Variants in DIDO1 observed in about 807,000 individuals in gnomAD.
DIDO1 encodes death inducer-obliterator 1.
DIDO1 carries 16 observed loss-of-function variants against 99.4 expected under a neutral mutation model. The ratio of observed to expected loss-of-function variants is 0.16; its 90% CI spans 0.11 to 0.24. The LOEUF (loss-of-function observed/expected upper bound fraction) is 0.24, where lower values mean the gene tolerates loss of function less well. DIDO1 is among the 10% of genes least tolerant of loss of function. DIDO1 has a pLI of 1.00. For synonymous variants in DIDO1, 1,366 were observed against 1,239.1 expected, an observed-to-expected ratio of 1.10 and a Z score of -2.15; for missense variants, 2,996 against 3,014.0, an observed-to-expected ratio of 0.99 and a Z score of 0.14.
intron 5 of DIDO1, among the ~76,000 whole-genome samples, chr20:62,906,625 G>A (rs556394076): frequency 6.6e-5 from 10 of 152,236 alleles, no homozygotes; most frequent in African/African-American, 1.7e-4. Flanking sequence ...AAACATAACC[G>A]GGGCAGTGAC....
chr20:62,925,136 A>G (rs541930488), intron 1 of DIDO1, among the ~76,000 whole-genome samples: 14 of 152,302 alleles, frequency 9.2e-5, no homozygotes, highest in African/African-American at 3.4e-4. Context: ...AAGGGCCACT[A>G]AAGAGCCCTA....
chr20:62,933,169 C>G (rs1185641177), intron 1 of DIDO1, among the ~76,000 whole-genome samples: 1 of 152,208 alleles, frequency 6.6e-6, no homozygotes, highest in Non-Finnish European at 1.5e-5. Context: ...CAAGATCGTG[C>G]CATTGCACTC....
At chr20:62,904,807 A>AAAAAAAAAAAAAGG (rs1568859998) in intron 6 of DIDO1, among the ~76,000 whole-genome samples, 1 of 141,706 alleles carries the variant, frequency 7.1e-6, no homozygotes, top group Non-Finnish European at 1.5e-5. Context: ...AAAAAAAAAA[A>AAAAAAAAAAAAAGG]GTGTCTTTTT....
intron 1 of DIDO1, among the ~76,000 whole-genome samples, chr20:62,923,962 CAACTT>C (rs1306473427): frequency 1.3e-5 from 2 of 152,176 alleles, no homozygotes; most frequent in Non-Finnish European, 2.9e-5. Context: ...CTTCATATAA[CAACTT>C]AACCTCAAAA....
At chr20:62,899,373 C>T (rs971038490) in intron 6 of DIDO1, among the ~76,000 whole-genome samples, 3 of 152,224 alleles carry the variant, frequency 2.0e-5, no homozygotes, top group Admixed American at 1.3e-4. Flanking sequence ...GTTTAACGCT[C>T]ACCTTGTTGC....
Position 62,931,640 on chromosome 20 carries a change from G to A in DIDO1, c.-200+6156C>T, listed in dbSNP as rs964335809. On this transcript the variant is annotated intron_variant, in intron 1 of 15. Coordinates refer to the DIDO1 transcript ENST00000266070. ...CGACTGAATTCCTGCACCTGCTGGC[G>A]AGCACCAGGAGGAAGGTGCAGGGAT... Among the ~76,000 whole-genome samples the A allele has an allele frequency of 3.3e-4, 50 of 152,140 alleles. 2 individuals are homozygous for A. The highest frequency in any genetic ancestry group is 2.0e-4 in the Admixed American group (3 of 15,272).
In DIDO1 at chr20:62,894,497, G is replaced by A; in HGVS notation, c.2488C>T (p.Leu830Phe). The A allele has an allele frequency of 6.2e-7, 1 of 1,613,372 alleles. No homozygotes were observed. The highest frequency in any genetic ancestry group is 1.3e-5 in the African/African-American group (1 of 75,030). ...TTCAACATGCTGCTGAAGACGTCGA[G>A]AAGCGGCGCTGTGCTCTTCTCAGGG... ...AVPEKSTAPL[L>F]DVFSSMLKDT... is the part of the protein sequence containing the mutation. Residue 830 changes from leucine (L) to phenylalanine (F), a missense_variant, in exon 11 of 16, where the codon CTC (leucine) becomes TTC (phenylalanine). Around this residue, in one of 5 missense-constraint regions of DIDO1, gnomAD observed 898 missense variants for 972.7 expected, o/e 0.92. Coordinates refer to ENST00000395343, the MANE Select transcript of DIDO1 (RefSeq NM_001193369.2). The surrounding 1 kb of genome is among the most constrained non-coding windows in gnomAD (Gnocchi z 4.4).
chr20:62,912,864 T>A (rs955541499), intron 2 of DIDO1, among the ~76,000 whole-genome samples: 1 of 152,146 alleles, frequency 6.6e-6, no homozygotes, highest in African/African-American at 2.4e-5. Flanking sequence ...AAACCCCATC[T>A]CTATTAAAAA....
At position 62,911,975 on chromosome 20, in the gene DIDO1, C is replaced by G. The variant is rs145537752; in HGVS notation, c.-2-361G>C. On this transcript the variant is annotated intron_variant, in intron 2 of 15. Coordinates refer to ENST00000395343, the MANE Select transcript of DIDO1 (RefSeq NM_001193369.2). The surrounding 1 kb of genome is among the most constrained non-coding windows in gnomAD (Gnocchi z 7.0). ...ATGTGAGTAAGGACGTGAGCAAGGA[C>G]GCGAGCAGCTCGGAGGTGGCACGAG... Among the ~76,000 whole-genome samples, 3 of 152,154 alleles carry G rather than the reference C, an allele frequency of 2.0e-5. No individual in the cohort carries two copies. The highest frequency in any genetic ancestry group is 7.2e-5 in the African/African-American group (3 of 41,420).
intron 6 of DIDO1, chr20:62,905,647 G>A (rs751263086): frequency 1.2e-5 from 19 of 1,570,744 alleles, no homozygotes; most frequent in Admixed American, 9.5e-5. Context: ...TAAGGTGAAC[G>A]TTCACCAGTG....
In DIDO1 at chr20:62,880,993, C is replaced by T. The variant is rs767251086; in HGVS notation, c.4963G>A (p.Ala1655Thr). ...GGTGTGGGCAGCAGCACCCTCCGGG[C>T]AGGCCTGGCCGAGCTGTCTCCAACC... ...ATVGDSSARP[A>T]RRVLLPTPPC... The change falls in exon 16 of 16, where the codon GCC (alanine) becomes ACC (threonine). Residue 1655 changes from alanine (A) to threonine (T), a missense_variant. Physicochemically the swap from Ala to Thr is moderately conservative, Grantham distance 58. Around this residue, in one of 5 missense-constraint regions of DIDO1, gnomAD observed 1,562 missense variants for 1,412.6 expected, o/e 1.11. Transcript: ENST00000395343. The T allele has an allele frequency of 1.2e-6, 2 of 1,605,506 alleles. No individual in the cohort carries two copies. The highest frequency in any genetic ancestry group is 1.7e-6 in the Non-Finnish European group (2 of 1,178,902).
intron 6 of DIDO1, chr20:62,905,608 G>A (rs752826112): frequency 3.9e-6 from 6 of 1,551,950 alleles, no homozygotes; most frequent in African/African-American, 1.4e-5. Flanking sequence ...GAGCCTGAGA[G>A]TGAAAACAGA....
At chr20:62,923,264 C>T (rs1355721154) in intron 1 of DIDO1, among the ~76,000 whole-genome samples, 1 of 152,194 alleles carries the variant, frequency 6.6e-6, no homozygotes, top group Non-Finnish European at 1.5e-5. Flanking sequence ...CAACCTCGAC[C>T]TCCCAGGTTC....
At chr20:62,912,613 T>C (rs1428095624) in intron 2 of DIDO1, among the ~76,000 whole-genome samples, 2 of 152,212 alleles carry the variant, frequency 1.3e-5, no homozygotes, top group African/African-American at 4.8e-5. Flanking sequence ...AGACAGTAGA[T>C]ACTTTGAGAA....
rs1422122994 is a variant in DIDO1, at chr20:62,897,011, A to G, written c.1589-15T>C. 1.9e-6 allele frequency: 3 copies of G among 1,601,266 alleles called. No individual in the cohort carries two copies. The highest frequency in any genetic ancestry group is 2.6e-6 in the Non-Finnish European group (3 of 1,173,582). ...TTCCTTCGTGGCTACAAAGAAGAAC[A>G]CAGGCGCTGAGTAAGGGAGGACACC... On this transcript the variant is annotated splice_polypyrimidine_tract_variant and intron_variant, in intron 6 of 15. Transcript: ENST00000395343.
intron 1 of DIDO1, among the ~76,000 whole-genome samples, chr20:62,934,426 C>T (rs967412667): frequency 6.6e-6 from 1 of 152,198 alleles, no homozygotes; most frequent in African/African-American, 2.4e-5. Flanking sequence ...GGACTTCTGA[C>T]CTCCCTACTA....
rs375192467 is a variant in DIDO1 at position 62,890,951 on chromosome 20, G to C, written c.3541+9C>G. 8.7e-6 allele frequency: 14 copies of C among 1,613,350 alleles called. No individual in the cohort carries two copies. The African/African-American group carries it at 1.6e-4, about 18-fold the overall frequency. On this transcript the variant is annotated intron_variant, in intron 15 of 15. Coordinates refer to ENST00000395343, the MANE Select transcript of DIDO1 (RefSeq NM_001193369.2). ...GGGCCTCACCTCCACCCAGAAAGCC[G>C]GCGCTTACCTGGTCCCTCAAAGGGC...
At chr20:62,890,510 T>G in intron 15 of DIDO1, 2 of 994,578 alleles carry the variant, frequency 2.0e-6, no homozygotes. Flanking sequence ...AATAGTTTTC[T>G]ATGTCATTAT....
In DIDO1 at chr20:62,878,992, C is replaced by T; in HGVS notation, c.*241G>A. On this transcript the variant is annotated 3_prime_UTR_variant, in exon 16 of 16. Coordinates refer to ENST00000395343, the MANE Select transcript of DIDO1 (RefSeq NM_001193369.2). Reference sequence around the variant, plus strand: ...CTATGATCTGAAAAGCAATATGCTCCGTAGGCAATTTCCCATTTCTTTTAA... The same window carrying T: ...CTATGATCTGAAAAGCAATATGCTCTGTAGGCAATTTCCCATTTCTTTTAA... The T allele has an allele frequency of 2.3e-6, 1 of 436,946 alleles. No homozygotes were observed. Among genetic ancestry groups the T allele is most frequent in the Non-Finnish European group, 4.0e-6 (1 of 252,320 alleles). 27.1% of individuals were successfully genotyped at this position (436,946 alleles called of 1,614,324 possible). A position where few individuals can be genotyped will look rare whatever the true frequency, so the allele number is the denominator to read the frequency against.
Sources: allele counts gnomAD v4.1 joint callset (sites outside exome capture counted in the v4.1 genomes callset), GRCh38; gene constraint gnomAD v4.1.1; regional missense constraint gnomAD v4.1.1; non-coding constraint Gnocchi (gnomAD v3.1); transcripts MANE v1.5; gene names NCBI Gene and HGNC (gene_info 2026-07-23, HGNC 2026-07-21).